CFAP54: variants seen among roughly 807,000 people sequenced by gnomAD.
CFAP54 encodes the protein cilia- and flagella-associated protein 54.
CFAP54 carries 290 observed loss-of-function variants against 370.4 expected under a neutral mutation model. The ratio of observed to expected loss-of-function variants is 0.78; its 90% CI spans 0.71 to 0.86. CFAP54 has a LOEUF of 0.86. Among genes scored for constraint, CFAP54 ranks in the 40% least tolerant of loss-of-function variants. CFAP54 has a pLI of 0.00. For synonymous variants in CFAP54, 1,206 were observed against 1,236.5 expected, an observed-to-expected ratio of 0.98 and a Z score of 0.52; for missense variants, 3,399 against 3,528.7, an observed-to-expected ratio of 0.96 and a Z score of 0.93.
intron 30 of CFAP54, among the ~76,000 whole-genome samples, chr12:96,628,142 G>A (rs1956566670): frequency 6.6e-6 from 1 of 152,130 alleles, no homozygotes; most frequent in Non-Finnish European, 1.5e-5. Flanking sequence ...ACTCTATGAT[G>A]TTCACACAAT....
intron 17 of CFAP54, among the ~76,000 whole-genome samples, chr12:96,562,882 A>C (rs1249984279): frequency 6.6e-6 from 1 of 152,192 alleles, no homozygotes; most frequent in Non-Finnish European, 1.5e-5. Flanking sequence ...AGTAATAATT[A>C]AAATATCTCT....
At chr12:96,563,704 C>T (rs1479318029) in intron 17 of CFAP54, among the ~76,000 whole-genome samples, 1 of 152,266 alleles carries the variant, frequency 6.6e-6, no homozygotes, top group Non-Finnish European at 1.5e-5. Context: ...TGCATTAGCA[C>T]AAATAATTAA....
At chr12:96,755,869 T>C (rs1038392496) in intron 56 of CFAP54, among the ~76,000 whole-genome samples, 11 of 152,020 alleles carry the variant, frequency 7.2e-5, no homozygotes, top group Admixed American at 1.3e-4. Context: ...CGTTTCACCA[T>C]GTTGGGCAGG....
intron 32 of CFAP54, among the ~76,000 whole-genome samples, chr12:96,643,278 G>C (rs1565925686): frequency 6.6e-6 from 1 of 152,162 alleles, no homozygotes; most frequent in Non-Finnish European, 1.5e-5. Context: ...GAGTGATAAT[G>C]TAAACACTAC....
intron 66 of CFAP54, among the ~76,000 whole-genome samples, chr12:96,857,541 G>T (rs1460586975): frequency 6.6e-6 from 1 of 152,190 alleles, no homozygotes; most frequent in East Asian, 1.9e-4. Context: ...ATCTGTCATT[G>T]ATGGGCATTT....
chr12:96,512,919 G>T, intron 4 of CFAP54, 67 bp from the exon 5 acceptor site: 1 of 1,085,010 alleles, frequency 9.2e-7, no homozygotes, highest in Non-Finnish European at 1.3e-6. Context: ...TTGAACCACA[G>T]AAATTGGAAT....
intron 66 of CFAP54, among the ~76,000 whole-genome samples, chr12:96,836,990 G>T (rs2136768870): frequency 1.3e-5 from 2 of 152,190 alleles, no homozygotes; most frequent in African/African-American, 2.4e-5. Flanking sequence ...ACCATGCCCA[G>T]CTATTTTATT....
At chr12:96,733,273 G>C (rs903543950) in intron 50 of CFAP54, among the ~76,000 whole-genome samples, 2 of 152,144 alleles carry the variant, frequency 1.3e-5, no homozygotes, top group Non-Finnish European at 2.9e-5. Context: ...CCCCCTGTGA[G>C]CTTCTGTTTG....
Position 96,679,675 on chromosome 12 carries a change from T to A in CFAP54, c.5639T>A (p.Leu1880Gln). Residue 1880 changes from leucine to glutamine, a missense_variant, in exon 40 of 68, where the codon CTG becomes CAG. Transcript: ENST00000524981. ...ACCTTGAGGTGTTTTAGAGAGACAC[T>A]GGAAAAATCCAAATACCATAACAGA... Reference protein sequence around the residue: ...TDTLRCFRETLEKSKYHNRSI... With the variant: ...TDTLRCFRETQEKSKYHNRSI... 5 of 1,614,048 alleles carry A rather than the reference T, an allele frequency of 3.1e-6. No homozygotes were observed. The highest frequency in any genetic ancestry group is 3.4e-6 in the Non-Finnish European group (4 of 1,179,930).
At chr12:96,874,842 C>A (rs1393692596) in intron 67 of CFAP54, among the ~76,000 whole-genome samples, 1 of 151,678 alleles carries the variant, frequency 6.6e-6, no homozygotes, top group Non-Finnish European at 1.5e-5. Flanking sequence ...TGGTCTCGAT[C>A]TCCTGACCTC....
In CFAP54 at chr12:96,630,624, C is replaced by G. The variant is rs1408727329; in HGVS notation, c.4289C>G (p.Ala1430Gly). The change falls in exon 32 of 68, where the codon GCT (alanine) becomes GGT (glycine). Residue 1430 changes from alanine (A) to glycine (G), a missense_variant. Around this residue, in one of 3 missense-constraint regions of CFAP54, gnomAD observed 2,796 missense variants for 2,869.7 expected, o/e 0.97. Coordinates refer to ENST00000524981, the MANE Select transcript of CFAP54 (RefSeq NM_001306084.2). ...AGAGATTTCATTTTTAAAAATCCGG[C>G]TATTTCTGAAATGGTGGCACATGAA... The part of the protein sequence containing the change: ...TLRDFIFKNP[A>G]ISEMVAHERN... 11 of 1,496,948 alleles carry G rather than the reference C, an allele frequency of 7.3e-6. No homozygotes were observed. The highest frequency in any genetic ancestry group is 8.0e-6 in the Non-Finnish European group (9 of 1,129,610). 92.7% of individuals were successfully genotyped at this position (1,496,948 alleles called of 1,614,324 possible).
intron 60 of CFAP54, among the ~76,000 whole-genome samples, chr12:96,777,597 C>T (rs1160211074): frequency 6.6e-6 from 1 of 152,142 alleles, no homozygotes; most frequent in Admixed American, 6.5e-5. Context: ...GATCCACCCA[C>T]CTCGGCCTCC....
chr12:96,772,772 A>G (rs1958476367), intron 60 of CFAP54, among the ~76,000 whole-genome samples: 1 of 151,956 alleles, frequency 6.6e-6, no homozygotes, highest in South Asian at 2.1e-4. Flanking sequence ...GGCACCCACA[A>G]CCATGCCCGG....
chr12:96,567,166 C>T (rs1955871911), intron 19 of CFAP54, among the ~76,000 whole-genome samples: 1 of 152,106 alleles, frequency 6.6e-6, no homozygotes, highest in African/African-American at 2.4e-5. Context: ...GCAGAGAGAA[C>T]AAATGTGCCA....
intron 50 of CFAP54, among the ~76,000 whole-genome samples, chr12:96,738,222 T>C (rs1331966828): frequency 6.6e-6 from 1 of 152,136 alleles, no homozygotes; most frequent in Non-Finnish European, 1.5e-5. Flanking sequence ...TGGCAACTTC[T>C]GGGTTCTGCG....
chr12:96,765,611 T>C (rs1228576047), intron 60 of CFAP54, among the ~76,000 whole-genome samples: 1 of 152,208 alleles, frequency 6.6e-6, no homozygotes, highest in Non-Finnish European at 1.5e-5. Context: ...TATTTGTATA[T>C]ATGTTTGATT....
At chr12:96,817,127 T>C (rs1156299585) in intron 64 of CFAP54, among the ~76,000 whole-genome samples, 26 of 152,246 alleles carry the variant, frequency 1.7e-4, no homozygotes, top group Admixed American at 1.7e-3. Context: ...AGTAAATCTT[T>C]TGCTTTTGCC....
chr12:96,570,987 A>T (rs1955911855), intron 19 of CFAP54, among the ~76,000 whole-genome samples: 1 of 152,100 alleles, frequency 6.6e-6, no homozygotes, highest in African/African-American at 2.4e-5. Flanking sequence ...TCTACTTTTC[A>T]TCTTTTTCTG....
chr12:96,697,690 T>G (rs1328328759), intron 45 of CFAP54, among the ~76,000 whole-genome samples: 1 of 152,196 alleles, frequency 6.6e-6, no homozygotes, highest in East Asian at 1.9e-4. Flanking sequence ...TCCTATGTTA[T>G]GTATTTACAT....
Sources: gnomAD v4.1 joint callset for allele counts (sites outside exome capture counted in the v4.1 genomes callset) on GRCh38, gnomAD v4.1.1 for gene constraint, gnomAD v4.1.1 regional missense constraint, MANE v1.5 for transcripts, NCBI Gene and HGNC (gene_info 2026-07-23, HGNC 2026-07-21) for gene names.